The following PDE4D variants were observed in gnomAD, a reference collection of about 807,000 sequenced individuals.
PDE4D encodes the protein phosphodiesterase 4D.
In PDE4D, 24 loss-of-function variants were observed where a neutral mutation model predicts 87.4. That is an observed-to-expected ratio of 0.27 (90% CI 0.20 to 0.39). The LOEUF is 0.39. Among genes scored for constraint, PDE4D ranks in the 10% least tolerant of loss-of-function variants. The pLI, the probability that PDE4D is intolerant of heterozygous loss-of-function variation, is 1.00. For missense variants in PDE4D, 714 were observed against 1,041.0 expected, an observed-to-expected ratio of 0.69 and a Z score of 4.32; for synonymous variants, 384 against 383.2, an observed-to-expected ratio of 1.00 and a Z score of -0.02.
At chr5:59,169,320 AT>A (rs36019773) in intron 5 of PDE4D, among the ~76,000 whole-genome samples, 131,622 of 149,214 alleles carry the variant, frequency 0.88, 58,445 homozygotes, top group African/African-American at 0.94. Context: ...TGGTTCTTTT[AT>A]TTTTTTTTTT....
chr5:58,999,995 G>A (rs190551049), intron 6 of PDE4D: 1 of 772,452 alleles, frequency 1.3e-6, no homozygotes, highest in South Asian at 5.9e-5. Flanking sequence ...TGCACCAATT[G>A]CATTCCAGCT....
chr5:60,393,757 C>T (rs899873354), intron 1 of PDE4D, among the ~76,000 whole-genome samples: 2 of 152,176 alleles, frequency 1.3e-5, no homozygotes, highest in African/African-American at 4.8e-5. Context: ...CCACTGAACA[C>T]TGAGGTGGCC....
At chr5:59,912,999 C>A (rs955773718) in intron 3 of PDE4D, among the ~76,000 whole-genome samples, 1 of 152,048 alleles carries the variant, frequency 6.6e-6, no homozygotes, top group Non-Finnish European at 1.5e-5. Context: ...CATGGAGGAA[C>A]CAGAAATACA....
chr5:60,008,400 A>G (rs1402687105), intron 2 of PDE4D, among the ~76,000 whole-genome samples: 1 of 152,054 alleles, frequency 6.6e-6, no homozygotes, highest in Admixed American at 6.6e-5. Flanking sequence ...ATTTTGAAAC[A>G]TCTGCCGCAA....
chr5:59,043,255 G>T (rs1759994179), intron 5 of PDE4D, among the ~76,000 whole-genome samples: 1 of 152,174 alleles, frequency 6.6e-6, no homozygotes, highest in Non-Finnish European at 1.5e-5. Flanking sequence ...CGGGCACAGT[G>T]GCTCACGCCT....
intron 1 of PDE4D, among the ~76,000 whole-genome samples, chr5:59,501,732 G>A (rs553531631): frequency 3.3e-5 from 5 of 152,258 alleles, no homozygotes; most frequent in South Asian, 4.2e-4. Flanking sequence ...TATGGTGATG[G>A]TGACTGATTG....
At chr5:60,420,341 C>T (rs1203846100) in intron 1 of PDE4D, among the ~76,000 whole-genome samples, 1 of 152,294 alleles carries the variant, frequency 6.6e-6, no homozygotes, top group South Asian at 2.1e-4. Flanking sequence ...TCTATCAACA[C>T]TGAATACTGC....
At chr5:60,214,464 G>A (rs527798764) in intron 1 of PDE4D, among the ~76,000 whole-genome samples, 31 of 152,126 alleles carry the variant, frequency 2.0e-4, no homozygotes, top group African/African-American at 4.3e-4. Flanking sequence ...TGTTACCTAC[G>A]AGTAAGGTGG....
intron 1 of PDE4D, among the ~76,000 whole-genome samples, chr5:59,268,800 C>T (rs1159598575): frequency 1.3e-5 from 2 of 152,034 alleles, no homozygotes; most frequent in Non-Finnish European, 2.9e-5. Context: ...ACATATCGCT[C>T]AGCATCTTTC....
At chr5:60,494,985 T>C (rs760235698) in intron 1 of PDE4D, among the ~76,000 whole-genome samples, 13 of 152,184 alleles carry the variant, frequency 8.5e-5, no homozygotes, top group Non-Finnish European at 1.6e-4. Flanking sequence ...ATCATGATTA[T>C]ACAACCTGTA....
intron 5 of PDE4D, among the ~76,000 whole-genome samples, chr5:59,153,978 A>T (rs1779814173): frequency 6.6e-6 from 1 of 152,280 alleles, no homozygotes; most frequent in Admixed American, 6.5e-5. Context: ...GTACAAGTAA[A>T]TGAAGACAGT....
chr5:59,156,295 C>A (rs1581103576), intron 5 of PDE4D, among the ~76,000 whole-genome samples: 1 of 115,434 alleles, frequency 8.7e-6, no homozygotes, highest in African/African-American at 3.6e-5. Context: ...AATCCCTGAA[C>A]TAGAGACTTG....
chr5:59,255,602 C>G (rs1760824824), intron 1 of PDE4D, among the ~76,000 whole-genome samples: 1 of 152,022 alleles, frequency 6.6e-6, no homozygotes, highest in Non-Finnish European at 1.5e-5. Flanking sequence ...TGAGTTATAT[C>G]TCAACAAAGG....
intron 1 of PDE4D, among the ~76,000 whole-genome samples, chr5:59,631,431 A>C (rs939632093): frequency 6.6e-6 from 1 of 152,190 alleles, no homozygotes; most frequent in Non-Finnish European, 1.5e-5. Flanking sequence ...TTTTAAGATC[A>C]TTATTTTTCA....
chr5:59,670,319 G>T (rs553166219), intron 1 of PDE4D, among the ~76,000 whole-genome samples: 14 of 152,224 alleles, frequency 9.2e-5, no homozygotes, highest in African/African-American at 3.4e-4. Flanking sequence ...CACAAGGTAG[G>T]TTAAGCATCA....
chr5:59,330,850 C>T (rs760664786), intron 1 of PDE4D, among the ~76,000 whole-genome samples: 1 of 152,130 alleles, frequency 6.6e-6, no homozygotes. Context: ...ATGGCTTCCT[C>T]GACAGCCTCA....
At chr5:60,056,403 A>G (rs1730977851) in intron 2 of PDE4D, among the ~76,000 whole-genome samples, 1 of 152,052 alleles carries the variant, frequency 6.6e-6, no homozygotes, top group African/African-American at 2.4e-5. Context: ...AAGCAGCAGT[A>G]GCAGGACAAT....
At chr5:59,619,419 C>G (rs1830091509) in intron 1 of PDE4D, among the ~76,000 whole-genome samples, 1 of 152,220 alleles carries the variant, frequency 6.6e-6, no homozygotes, top group Admixed American at 6.5e-5. Context: ...AGAAGACCAC[C>G]AGCATATCAC....
At chr5:60,446,594 T>C (rs1745661634) in intron 1 of PDE4D, among the ~76,000 whole-genome samples, 1 of 152,140 alleles carries the variant, frequency 6.6e-6, no homozygotes, top group Admixed American at 6.5e-5. Flanking sequence ...TAATTTGAAG[T>C]ACAAGTCAGT....
Sources: gnomAD v4.1 joint callset for allele counts (sites outside exome capture counted in the v4.1 genomes callset) on GRCh38, gnomAD v4.1.1 for gene constraint, MANE v1.5 for transcripts, NCBI Gene and HGNC (gene_info 2026-07-23, HGNC 2026-07-21) for gene names.